HRK: variants seen among roughly 807,000 people sequenced by gnomAD.
HRK encodes activator of apoptosis harakiri.
Under a neutral mutation model 5.9 loss-of-function variants are expected in HRK, and 6 were observed. That is an observed-to-expected ratio of 1.02 (90% CI 0.56 to 2.01). The LOEUF is 2.01. HRK is among the 30% of genes most tolerant of loss of function. The probability of loss-of-function intolerance (pLI) is 0.00; values close to 1 mark genes in which losing one functional copy is unlikely to be tolerated. For missense variants in HRK, 133 were observed against 128.3 expected, an observed-to-expected ratio of 1.04 and a Z score of -0.18; for synonymous variants, 85 against 65.1, an observed-to-expected ratio of 1.31 and a Z score of -1.47.
chr12:116,875,551 T>C (rs1382299697), intron 1 of HRK, among the ~76,000 whole-genome samples: 1 of 152,070 alleles, frequency 6.6e-6, no homozygotes, highest in Non-Finnish European at 1.5e-5. Flanking sequence ...TTATTTTTTA[T>C]TTTTTTGTAA....
intron 1 of HRK, among the ~76,000 whole-genome samples, chr12:116,880,382 C>A (rs1054717721): frequency 6.6e-5 from 10 of 152,224 alleles, no homozygotes; most frequent in African/African-American, 1.2e-4. Context: ...ATTGCAAATG[C>A]GCGGAGCTTG....
At chr12:116,863,912 G>A (rs1312339940) in intron 1 of HRK, among the ~76,000 whole-genome samples, 3 of 151,792 alleles carry the variant, frequency 2.0e-5, no homozygotes, top group Non-Finnish European at 4.4e-5. Flanking sequence ...ATGTTGCCTA[G>A]GCTGGTCTCA....
At chr12:116,868,968 GTT>G (rs34491902) in intron 1 of HRK, among the ~76,000 whole-genome samples, 127 of 146,196 alleles carry the variant, frequency 8.7e-4, no homozygotes, top group Non-Finnish European at 8.9e-4. Context: ...CTTCTTCTTC[GTT>G]TTTTTTTTTT....
At chr12:116,874,129 G>A (rs1878854080) in intron 1 of HRK, among the ~76,000 whole-genome samples, 2 of 152,112 alleles carry the variant, frequency 1.3e-5, no homozygotes, top group African/African-American at 4.8e-5. Flanking sequence ...GAGGGCAGGG[G>A]CAAAGCCTGG....
At chr12:116,877,569 G>A (rs1315469653) in intron 1 of HRK, among the ~76,000 whole-genome samples, 1 of 152,186 alleles carries the variant, frequency 6.6e-6, no homozygotes, top group Non-Finnish European at 1.5e-5. Context: ...GAGTGGTGTG[G>A]AATGGCCAGC....
At position 116,858,179 on chromosome 12, in the gene HRK, CAAAAAAAACCCA is replaced by C. The variant is rs1269787040; in HGVS notation, c.*3332_*3343del. The C allele has an allele frequency of 1.4e-5, 2 of 141,942 alleles. No homozygotes were observed. The highest frequency in any genetic ancestry group is 3.1e-5 in the Non-Finnish European group (2 of 65,510). The allele number at this position is 141,942 out of a possible 1,614,324, so 8.8% of individuals were successfully genotyped here. ...CTGGGCTCTAAGAGATGCGCAGGGCCAAAAAAAACCCAAAAAAAAACAAAACAGGAACTGGGG... is the reference window on the plus strand; with the variant it reads ...CTGGGCTCTAAGAGATGCGCAGGGCCAAAAAAAACAAAACAGGAACTGGGG... On this transcript the variant is annotated 3_prime_UTR_variant, in exon 2 of 2. Transcript: ENST00000257572.
chr12:116,872,855 GAGGGAGGGAGGGAGGCAGGC>G (rs1185797484), intron 1 of HRK, among the ~76,000 whole-genome samples: 6 of 145,270 alleles, frequency 4.1e-5, no homozygotes, highest in African/African-American at 1.5e-4. Flanking sequence ...GGAAGGAAGA[GAGGGAGGGAGGGAGGCAGGC>G]AGGGAGGGAG....
Position 116,862,667 on chromosome 12 carries a change from ACTC to A in HRK, c.*57-1204_*57-1202del, listed in dbSNP as rs1878406398. Among the ~76,000 whole-genome samples the A allele has an allele frequency of 6.6e-6, 1 of 151,742 alleles. No homozygotes were observed. Among genetic ancestry groups the A allele is most frequent in the South Asian group, 2.1e-4 (1 of 4,800 alleles). The stretch of plus-strand genomic sequence containing the variant: ...AAGATGGCTGCAAAATTCTATGTAT[ACTC>A]CTCATCATTGACTTGTACACCTTAA... On this transcript the variant is annotated intron_variant, in intron 1 of 1. Coordinates refer to ENST00000257572, the MANE Select transcript of HRK (RefSeq NM_003806.4). This position sits in a 1 kb window ranked among gnomAD's most constrained non-coding sequence, Gnocchi z 4.0.
intron 1 of HRK, among the ~76,000 whole-genome samples, chr12:116,871,950 T>C (rs1296994260): frequency 6.6e-6 from 1 of 151,868 alleles, no homozygotes; most frequent in Non-Finnish European, 1.5e-5. Flanking sequence ...GGGGTCTCAC[T>C]CTGTTGTCTG....
At chr12:116,865,104 C>G (rs115225677) in intron 1 of HRK, among the ~76,000 whole-genome samples, 1,728 of 152,226 alleles carry the variant, frequency 0.011, 31 homozygotes, top group African/African-American at 0.039. Flanking sequence ...GATGTTGTGC[C>G]GCTTTGGGTA....
chr12:116,873,992 G>A (rs1179990476), intron 1 of HRK, among the ~76,000 whole-genome samples: 1 of 152,190 alleles, frequency 6.6e-6, no homozygotes, highest in Non-Finnish European at 1.5e-5. Context: ...TAAGGGTGAT[G>A]GAAACCCAAT....
chr12:116,864,792 GTTTC>G (rs1163791131), intron 1 of HRK, among the ~76,000 whole-genome samples: 2 of 151,982 alleles, frequency 1.3e-5, no homozygotes, highest in African/African-American at 4.8e-5. Flanking sequence ...TATATATAGG[GTTTC>G]TTTCTTTCTT....
chr12:116,881,407 C>G lies in HRK; in HGVS notation c.-100G>C, dbSNP rs1265795566. The G allele has an allele frequency of 3.1e-6, 3 of 957,098 alleles. No homozygotes were observed. The highest frequency in any genetic ancestry group is 1.0e-4 in the East Asian group (1 of 9,560). 59.3% of individuals were successfully genotyped at this position (957,098 alleles called of 1,614,324 possible). On this transcript the variant is annotated 5_prime_UTR_variant, in exon 1 of 2. Coordinates refer to ENST00000257572, the MANE Select transcript of HRK (RefSeq NM_003806.4). ...CCGCCGCGCTCCAGCCGCCGGGGGC[C>G]TCCCCTGGACACCAAGTTTCTCCTT...
intron 1 of HRK, among the ~76,000 whole-genome samples, chr12:116,872,250 A>T (rs1347046242): frequency 6.6e-6 from 1 of 151,176 alleles, no homozygotes; most frequent in African/African-American, 2.4e-5. Flanking sequence ...GGCACCTGTA[A>T]TCCCAGCTAC....
chr12:116,863,543 T>G (rs1337747494), intron 1 of HRK, among the ~76,000 whole-genome samples: 1 of 152,164 alleles, frequency 6.6e-6, no homozygotes, highest in Non-Finnish European at 1.5e-5. Flanking sequence ...AATTCTCCTC[T>G]GATTACTGAG....
At chr12:116,866,051 A>G (rs1339692279) in intron 1 of HRK, among the ~76,000 whole-genome samples, 1 of 150,388 alleles carries the variant, frequency 6.6e-6, no homozygotes, top group Non-Finnish European at 1.5e-5. Context: ...CCAGCTAGTC[A>G]GGAGGCTGAG....
chr12:116,880,465 T>A (rs911307615), intron 1 of HRK, among the ~76,000 whole-genome samples: 2 of 151,740 alleles, frequency 1.3e-5, no homozygotes, highest in African/African-American at 2.4e-5. Flanking sequence ...TGCCAGATAA[T>A]GGGGATCAGA....
chr12:116,874,790 A>T (rs1878874235), intron 1 of HRK, among the ~76,000 whole-genome samples: 1 of 152,210 alleles, frequency 6.6e-6, no homozygotes, highest in Non-Finnish European at 1.5e-5. Context: ...CCACACGAAG[A>T]GGCTGAGTAT....
At chr12:116,870,035 G>A (rs562799705) in intron 1 of HRK, among the ~76,000 whole-genome samples, 9 of 152,226 alleles carry the variant, frequency 5.9e-5, no homozygotes, top group Admixed American at 2.6e-4. Flanking sequence ...AGCCAAGATC[G>A]TGCCGCTGCA....
Sources: gnomAD v4.1 joint callset for allele counts (sites outside exome capture counted in the v4.1 genomes callset) on GRCh38, gnomAD v4.1.1 for gene constraint, Gnocchi (gnomAD v3.1) non-coding constraint, MANE v1.5 for transcripts, NCBI Gene and HGNC (gene_info 2026-07-23, HGNC 2026-07-21) for gene names.